The following WSB2 variants were observed in gnomAD, a reference collection of about 807,000 sequenced individuals.
WSB2 encodes WD repeat and SOCS box-containing protein 2.
A neutral mutation model predicts 48.8 loss-of-function variants in WSB2; 12 were observed. The observed-to-expected ratio is 0.25, with a 90% CI of 0.16 to 0.40. WSB2 has a LOEUF of 0.40. WSB2 is among the 10% of genes least tolerant of loss of function. The pLI, the probability that WSB2 is intolerant of heterozygous loss-of-function variation, is 1.00. For synonymous variants in WSB2, 191 were observed against 203.1 expected, an observed-to-expected ratio of 0.94 and a Z score of 0.51; for missense variants, 317 against 506.2, an observed-to-expected ratio of 0.63 and a Z score of 3.59.
intron 4 of WSB2, chr12:118,042,563 T>C (rs1954330194): frequency 2.9e-6 from 1 of 346,654 alleles, no homozygotes. Context: ...AGCATAGACA[T>C]GCATTCAGCA....
rs189114662 is a variant in WSB2 at position 118,042,429 on chromosome 12, T to C, written c.559+412A>G. 105 of 179,138 alleles carry C rather than the reference T, an allele frequency of 5.9e-4. No individual in the cohort carries two copies. In the East Asian group the frequency reaches 0.015, roughly 25 times the overall value. The allele number at this position is 179,138 out of a possible 1,614,324, so 11.1% of individuals were successfully genotyped here. A position where few individuals can be genotyped will look rare whatever the true frequency, so the allele number is the denominator to read the frequency against. ...CGACAAAGGGTTATCCAGCCCAAAA[T>C]ATCCATAGTGCCGATGAGAAAACCT... is the stretch of plus-strand genomic sequence containing the variant. On this transcript the variant is annotated intron_variant, in intron 4 of 8. Coordinates refer to ENST00000315436, the MANE Select transcript of WSB2 (RefSeq NM_018639.5).
At chr12:118,034,543 G>T in intron 8 of WSB2, 185 bp from the exon 9 acceptor site, 1 of 659,878 alleles carries the variant, frequency 1.5e-6, no homozygotes, top group Non-Finnish European at 2.4e-6. Context: ...GATAGGATTA[G>T]AAAAACTCAA....
At chr12:118,050,854 C>A (rs772859429) in intron 2 of WSB2, among the ~76,000 whole-genome samples, 7 of 151,988 alleles carry the variant, frequency 4.6e-5, no homozygotes, top group Non-Finnish European at 8.8e-5. Context: ...GAGTTTGAGA[C>A]CAGCCTGGCC....
intron 4 of WSB2, chr12:118,042,336 G>C (rs908495075): frequency 1.3e-5 from 2 of 155,150 alleles, no homozygotes; most frequent in East Asian, 1.9e-4. Flanking sequence ...TGGAGAGGAT[G>C]CTACTGGCAT....
At chr12:118,051,235 T>C (rs555256094) in intron 2 of WSB2, among the ~76,000 whole-genome samples, 17 of 152,148 alleles carry the variant, frequency 1.1e-4, no homozygotes, top group Non-Finnish European at 2.2e-4. Flanking sequence ...CTGAATCCAC[T>C]GCTGGTGGGA....
intron 5 of WSB2, among the ~76,000 whole-genome samples, chr12:118,037,437 C>T (rs1278075765): frequency 1.3e-5 from 2 of 152,136 alleles, no homozygotes; most frequent in Middle Eastern, 3.4e-3. Context: ...GAGGCCCAGG[C>T]GGGCGGATCA....
chr12:118,062,104 G>A, upstream of WSB2: 1 of 1,535,236 alleles, frequency 6.5e-7, no homozygotes, highest in Non-Finnish European at 8.7e-7. Context: ...CCTACCTACG[G>A]CGACAGCCTC....
upstream of WSB2, chr12:118,061,259 T>A: frequency 1.8e-5 from 13 of 716,158 alleles, no homozygotes; most frequent in South Asian, 6.4e-5. Flanking sequence ...GCGGACGGGA[T>A]AAAAACGGTG....
chr12:118,054,783 C>T (rs2031924732), intron 1 of WSB2, among the ~76,000 whole-genome samples: 2 of 150,018 alleles, frequency 1.3e-5, no homozygotes, highest in South Asian at 4.2e-4. Flanking sequence ...GGTGTGTGTT[C>T]CTGAAGTTTC....
In WSB2 at chr12:118,043,126, G is replaced by C. The variant is rs2031674186; in HGVS notation, c.427+7C>G. 1 of 1,614,142 alleles carries C rather than the reference G, an allele frequency of 6.2e-7. No individual in the cohort carries two copies. ...CCAGAACCTTGTGCCAGCCAGGAAT[G>C]ACCTACCTGTCTGCACCTCCCAGAT... is the stretch of plus-strand genomic sequence containing the variant. On this transcript the variant is annotated splice_region_variant and intron_variant, in intron 3 of 8. Coordinates refer to ENST00000315436, the MANE Select transcript of WSB2 (RefSeq NM_018639.5).
At chr12:118,051,522 C>T (rs963107112) in intron 2 of WSB2, among the ~76,000 whole-genome samples, 3 of 152,108 alleles carry the variant, frequency 2.0e-5, no homozygotes, top group Admixed American at 1.3e-4. Context: ...AAAAAGGCTA[C>T]GTGTTGTATG....
intron 2 of WSB2, 63 bp downstream of exon 2, chr12:118,052,247 T>C (rs1017215285): frequency 5.7e-6 from 9 of 1,574,926 alleles, no homozygotes; most frequent in Admixed American, 5.3e-5. Flanking sequence ...GGCACAGAGA[T>C]GGCAAAAGAA....
At chr12:118,035,408 C>G in intron 6 of WSB2, 84 bp from the exon 7 acceptor site, 1 of 1,215,414 alleles carries the variant, frequency 8.2e-7, no homozygotes, top group Non-Finnish European at 1.2e-6. Context: ...GGAAGCCAAA[C>G]TGCCCTGGCT....
chr12:118,043,529 C>G, intron 2 of WSB2, 152 bp from the exon 3 acceptor site: 1 of 1,218,920 alleles, frequency 8.2e-7, no homozygotes, highest in Non-Finnish European at 1.1e-6. Flanking sequence ...ACTGCAGCCT[C>G]GACCTCCCTG....
At chr12:118,058,300 G>C (rs2137801865) in intron 1 of WSB2, among the ~76,000 whole-genome samples, 1 of 152,152 alleles carries the variant, frequency 6.6e-6, no homozygotes, top group East Asian at 1.9e-4. Context: ...CACCTTCTCA[G>C]AGACCATCCT....
In WSB2 at chr12:118,036,316, A is replaced by G. The variant is rs1593462132; in HGVS notation, c.833+22T>C. The G allele has an allele frequency of 8.7e-6, 14 of 1,604,626 alleles. No homozygotes were observed. In the East Asian group the frequency reaches 3.1e-4, roughly 36 times the overall value. On this transcript the variant is annotated intron_variant, in intron 6 of 8. Coordinates refer to ENST00000315436, the MANE Select transcript of WSB2 (RefSeq NM_018639.5). The stretch of plus-strand genomic sequence containing the variant: ...TCATCAGTCCCCCCACAAAAAAGTC[A>G]TAGCAGGGATTCAGTCCTTACTGGA...
intron 2 of WSB2, 105 bp downstream of exon 2, chr12:118,052,205 C>A (rs1465618092): frequency 1.4e-6 from 2 of 1,448,310 alleles, no homozygotes; most frequent in African/African-American, 1.4e-5. Flanking sequence ...AATTCCTGAA[C>A]CATGAGCCAC....
At chr12:118,058,553 T>C (rs571466872) in intron 1 of WSB2, among the ~76,000 whole-genome samples, 296 of 152,198 alleles carry the variant, frequency 1.9e-3, no homozygotes, top group Non-Finnish European at 3.4e-3. Flanking sequence ...GGTTTTGCCA[T>C]GCTGCCTAGA....
At chr12:118,039,869 G>A (rs961461940) in intron 4 of WSB2, among the ~76,000 whole-genome samples, 3 of 151,458 alleles carry the variant, frequency 2.0e-5, no homozygotes, top group African/African-American at 4.9e-5. Flanking sequence ...TCAGCCTCCC[G>A]AGTAGCTGGG....
Sources: allele counts gnomAD v4.1 joint callset (sites outside exome capture counted in the v4.1 genomes callset), GRCh38; gene constraint gnomAD v4.1.1; transcripts MANE v1.5; gene names NCBI Gene and HGNC (gene_info 2026-07-23, HGNC 2026-07-21).